Variants in NELL1 observed in about 807,000 individuals in gnomAD.
NELL1 encodes the protein neural EGFL like 1.
Under a neutral mutation model 107.4 loss-of-function variants are expected in NELL1, and 76 were observed. That is an observed-to-expected ratio of 0.71 (90% CI 0.59 to 0.86). NELL1 has a LOEUF of 0.86. Among genes scored for constraint, NELL1 ranks in the 40% least tolerant of loss-of-function variants. The probability of loss-of-function intolerance (pLI) is 0.00; values close to 1 mark genes in which losing one functional copy is unlikely to be tolerated. For synonymous variants in NELL1, 353 were observed against 341.2 expected (o/e 1.03, Z -0.38); for missense variants, 1,024 against 1,005.5 (o/e 1.02, Z -0.25).
intron 15 of NELL1, among the ~76,000 whole-genome samples, chr11:21,432,852 T>C (rs1185973156): frequency 1.3e-5 from 2 of 152,206 alleles, no homozygotes; most frequent in African/African-American, 4.8e-5. Context: ...CATTAATCAT[T>C]TGTGTTGTGA....
chr11:20,980,769 G>A (rs1480639083), intron 12 of NELL1, among the ~76,000 whole-genome samples: 1 of 152,086 alleles, frequency 6.6e-6, no homozygotes, highest in African/African-American at 2.4e-5. Context: ...GGAGTCCAAG[G>A]CCCTGGGATT....
At chr11:21,118,544 A>C (rs4922753) in intron 13 of NELL1, among the ~76,000 whole-genome samples, 1 of 151,906 alleles carries the variant, frequency 6.6e-6, no homozygotes, top group East Asian at 1.9e-4. Flanking sequence ...CTGTGTAATA[A>C]ATGAGGTGTA....
intron 14 of NELL1, among the ~76,000 whole-genome samples, chr11:21,289,008 A>G (rs1849192289): frequency 6.6e-6 from 1 of 152,228 alleles, no homozygotes; most frequent in African/African-American, 2.4e-5. Context: ...CAGACATGAA[A>G]GTTGCTTAAT....
At position 20,999,059 on chromosome 11, in the gene NELL1, A is replaced by G. The variant is rs117044292; in HGVS notation, c.1300+38499A>G. Among the ~76,000 whole-genome samples the G allele has an allele frequency of 6.5e-3, 993 of 152,304 alleles. 23 individuals carry two copies. Among genetic ancestry groups the G allele is most frequent in the Admixed American group, 0.046 (708 of 15,278 alleles). ...TTTGCAAAAAAGACTCATAGAGTCC[A>G]AGTTTGGTGTATATGGTGGTTTGTG... On this transcript the variant is annotated intron_variant, in intron 12 of 19. Coordinates refer to ENST00000357134, the MANE Select transcript of NELL1 (RefSeq NM_006157.5).
chr11:20,719,455 GT>G (rs1855327313), intron 2 of NELL1, among the ~76,000 whole-genome samples: 1 of 151,270 alleles, frequency 6.6e-6, no homozygotes, highest in African/African-American at 2.4e-5. Flanking sequence ...CACACACATA[GT>G]TTTGGAAAAA....
chr11:20,759,254 G>T (rs1856365154), intron 2 of NELL1, among the ~76,000 whole-genome samples: 2 of 152,128 alleles, frequency 1.3e-5, no homozygotes, highest in South Asian at 4.1e-4. Flanking sequence ...TTTGGTATTT[G>T]CTTCTTGTAA....
At chr11:20,919,147 A>G in intron 6 of NELL1, 105 bp from the exon 7 acceptor site, 1 of 563,650 alleles carries the variant, frequency 1.8e-6, no homozygotes. Flanking sequence ...TCAACCAAAA[A>G]AACCCCAAAA....
chr11:21,097,369 A>G (rs537165018), intron 12 of NELL1, among the ~76,000 whole-genome samples: 2 of 152,346 alleles, frequency 1.3e-5, no homozygotes, highest in South Asian at 4.1e-4. Context: ...TGCCACTCGC[A>G]TCAGTCAAGA....
intron 15 of NELL1, among the ~76,000 whole-genome samples, chr11:21,438,691 C>T (rs182595874): frequency 6.6e-6 from 1 of 151,934 alleles, no homozygotes; most frequent in Non-Finnish European, 1.5e-5. Context: ...TTTAAAATCC[C>T]TGGCTCAAGT....
intron 15 of NELL1, among the ~76,000 whole-genome samples, chr11:21,407,694 C>CTTT (rs560297119): frequency 3.1e-4 from 42 of 137,280 alleles, no homozygotes; most frequent in South Asian, 1.9e-3. Context: ...TCCAAATTAC[C>CTTT]TTTTTTTTTT....
intron 12 of NELL1, among the ~76,000 whole-genome samples, chr11:21,071,464 A>G (rs1285375962): frequency 6.6e-6 from 1 of 152,234 alleles, no homozygotes; most frequent in Non-Finnish European, 1.5e-5. Context: ...AAGTTACTAC[A>G]TCTTTTGAAA....
chr11:21,518,621 T>C (rs1177387100), intron 15 of NELL1, among the ~76,000 whole-genome samples: 1 of 152,202 alleles, frequency 6.6e-6, no homozygotes, highest in Non-Finnish European at 1.5e-5. Flanking sequence ...GGATTAGATA[T>C]AATGGCATAA....
At chr11:20,733,394 C>T (rs1343850066) in intron 2 of NELL1, among the ~76,000 whole-genome samples, 2 of 152,148 alleles carry the variant, frequency 1.3e-5, no homozygotes, top group Non-Finnish European at 2.9e-5. Context: ...TCCAGGACAA[C>T]TGCAAATTCA....
chr11:20,831,547 T>C (rs182988974), intron 3 of NELL1, among the ~76,000 whole-genome samples: 2 of 152,178 alleles, frequency 1.3e-5, no homozygotes, highest in East Asian at 3.9e-4. Context: ...ACAGGATAAG[T>C]TGATTAATTT....
At chr11:20,882,063 T>C (rs984958188) in intron 4 of NELL1, among the ~76,000 whole-genome samples, 2 of 152,242 alleles carry the variant, frequency 1.3e-5, no homozygotes, top group African/African-American at 4.8e-5. Context: ...CAGATCACTG[T>C]GCCCTACCTG....
At chr11:21,481,978 T>C (rs1235672154) in intron 15 of NELL1, among the ~76,000 whole-genome samples, 1 of 152,172 alleles carries the variant, frequency 6.6e-6, no homozygotes, top group African/African-American at 2.4e-5. Context: ...ACTTACTAGA[T>C]GGGTGACCTT....
chr11:20,699,721 T>G (rs2133878670), intron 2 of NELL1, among the ~76,000 whole-genome samples: 1 of 152,356 alleles, frequency 6.6e-6, no homozygotes, highest in Non-Finnish European at 1.5e-5. Flanking sequence ...TTTTTGCAAT[T>G]GCTGATTGCG....
At chr11:21,304,903 G>A (rs1287484991) in intron 14 of NELL1, among the ~76,000 whole-genome samples, 1 of 152,056 alleles carries the variant, frequency 6.6e-6, no homozygotes, top group African/African-American at 2.4e-5. Context: ...TAGGAAGTAA[G>A]GATAGAAAAT....
intron 2 of NELL1, among the ~76,000 whole-genome samples, chr11:20,727,663 C>T (rs7121358): frequency 0.12 from 18,219 of 152,038 alleles, 1,193 homozygotes; most frequent in Non-Finnish European, 0.15. Flanking sequence ...AGTCATGAAG[C>T]CCTTGCCCAT....
Sources: allele counts gnomAD v4.1 joint callset (sites outside exome capture counted in the v4.1 genomes callset), GRCh38; gene constraint gnomAD v4.1.1; transcripts MANE v1.5; gene names NCBI Gene and HGNC (gene_info 2026-07-23, HGNC 2026-07-21).